The following PKNOX2 variants were observed in gnomAD, a reference collection of about 807,000 sequenced individuals.
PKNOX2 encodes the protein PBX/knotted 1 homeobox 2, also known as homeobox protein PKNOX2.
In PKNOX2, 14 loss-of-function variants were observed where a neutral mutation model predicts 53.1. The observed-to-expected ratio is 0.26, with a 90% CI of 0.17 to 0.41. The LOEUF (loss-of-function observed/expected upper bound fraction) is 0.41, where lower values mean the gene tolerates loss of function less well. Among genes scored for constraint, PKNOX2 ranks in the 10% least tolerant of loss-of-function variants. The pLI is 1.00. For synonymous variants in PKNOX2, 257 were observed against 242.8 expected (o/e 1.06, Z -0.54); for missense variants, 496 against 602.8 (o/e 0.82, Z 1.85).
At chr11:125,274,444 C>T (rs1946025383) in intron 2 of PKNOX2, among the ~76,000 whole-genome samples, 1 of 152,196 alleles carries the variant, frequency 6.6e-6, no homozygotes, top group Non-Finnish European at 1.5e-5. Context: ...GCGGTGCCAG[C>T]CCCTGTGCAG....
At chr11:125,203,271 T>G (rs986243934) in intron 1 of PKNOX2, among the ~76,000 whole-genome samples, 5 of 152,114 alleles carry the variant, frequency 3.3e-5, no homozygotes, top group African/African-American at 7.2e-5. Flanking sequence ...GTGCGCTAAT[T>G]TAAAATTTTT....
At chr11:125,301,179 G>C (rs1591518930) in intron 2 of PKNOX2, among the ~76,000 whole-genome samples, 1 of 152,176 alleles carries the variant, frequency 6.6e-6, no homozygotes, top group South Asian at 2.1e-4. Context: ...GCTCAGATCA[G>C]ATGCTGCCAA....
intron 2 of PKNOX2, among the ~76,000 whole-genome samples, chr11:125,289,921 C>A (rs1947199650): frequency 6.6e-6 from 1 of 152,192 alleles, no homozygotes. Flanking sequence ...AGCAGCAGCA[C>A]CAGCCCTTGA....
intron 1 of PKNOX2, among the ~76,000 whole-genome samples, chr11:125,222,800 T>TGTGTGC (rs1941346051): frequency 6.6e-6 from 1 of 151,856 alleles, no homozygotes; most frequent in Non-Finnish European, 1.5e-5. Flanking sequence ...TGTGTGTGTG[T>TGTGTGC]GTGCGTGTGT....
chr11:125,432,000 GTC>G lies in PKNOX2; in HGVS notation c.*612_*613del, dbSNP rs1419934043. The G allele has an allele frequency of 7.2e-5, 11 of 153,234 alleles. No homozygotes were observed. The highest frequency in any genetic ancestry group is 7.1e-4 in the Admixed American group (11 of 15,460). The allele number at this position is 153,234 out of a possible 1,614,324, so 9.5% of individuals were successfully genotyped here. ...CTCCAGCTCATCCCTCCAAGGCCCTGTCTCTGCGCACAGCAACCATGGACATG... is the reference window on the plus strand; with the variant it reads ...CTCCAGCTCATCCCTCCAAGGCCCTGTCTGCGCACAGCAACCATGGACATG... On this transcript the variant is annotated 3_prime_UTR_variant, in exon 13 of 13. Coordinates refer to ENST00000298282, the MANE Select transcript of PKNOX2 (RefSeq NM_001382323.2).
chr11:125,213,999 G>A (rs892286824), intron 1 of PKNOX2, among the ~76,000 whole-genome samples: 3 of 152,154 alleles, frequency 2.0e-5, no homozygotes, highest in Admixed American at 6.5e-5. Flanking sequence ...CTTTTGGCTC[G>A]GCTATCTCAC....
At chr11:125,363,517 A>T (rs1404403359) in intron 4 of PKNOX2, among the ~76,000 whole-genome samples, 1 of 152,166 alleles carries the variant, frequency 6.6e-6, no homozygotes, top group East Asian at 1.9e-4. Context: ...GGCAGTTCTG[A>T]GGACATCATT....
At chr11:125,231,817 G>T (rs967790740) in intron 1 of PKNOX2, among the ~76,000 whole-genome samples, 3 of 152,088 alleles carry the variant, frequency 2.0e-5, no homozygotes, top group African/African-American at 7.2e-5. Flanking sequence ...TTTATTTTGG[G>T]GGAGATGAAT....
intron 6 of PKNOX2, 111 bp from the exon 7 acceptor site, chr11:125,397,763 G>A (rs569304367): frequency 1.8e-6 from 2 of 1,122,480 alleles, no homozygotes; most frequent in African/African-American, 3.1e-5. Flanking sequence ...GGAAGCATGA[G>A]CTACGGCAGG....
intron 3 of PKNOX2, among the ~76,000 whole-genome samples, chr11:125,341,225 G>A (rs1285983872): frequency 1.3e-5 from 2 of 150,300 alleles, no homozygotes; most frequent in Non-Finnish European, 3.0e-5. Context: ...GTGTGGTGGT[G>A]CACGCCTGTA....
chr11:125,248,523 T>C (rs1322367067), intron 2 of PKNOX2, among the ~76,000 whole-genome samples: 2 of 151,950 alleles, frequency 1.3e-5, no homozygotes, highest in Admixed American at 6.6e-5. Flanking sequence ...TTTTGAAATG[T>C]GTTTTATAAG....
At chr11:125,389,916 C>T (rs968544860) in intron 6 of PKNOX2, among the ~76,000 whole-genome samples, 3 of 152,136 alleles carry the variant, frequency 2.0e-5, no homozygotes, top group African/African-American at 4.8e-5. Context: ...ACCCCCAGGC[C>T]CCTGGGCCCA....
intron 6 of PKNOX2, among the ~76,000 whole-genome samples, chr11:125,392,073 T>C (rs1223064851): frequency 1.3e-5 from 2 of 152,252 alleles, no homozygotes; most frequent in Admixed American, 1.3e-4. Context: ...ATTTTTTCAC[T>C]GGCTGGACGT....
intron 1 of PKNOX2, among the ~76,000 whole-genome samples, chr11:125,234,396 T>C (rs1354712135): frequency 6.6e-6 from 1 of 152,244 alleles, no homozygotes; most frequent in African/African-American, 2.4e-5. Context: ...TTTTTATTTT[T>C]ACAAAATTGT....
At chr11:125,236,596 A>G (rs1425942118) in intron 2 of PKNOX2, among the ~76,000 whole-genome samples, 1 of 152,168 alleles carries the variant, frequency 6.6e-6, no homozygotes, top group Non-Finnish European at 1.5e-5. Flanking sequence ...TCTGGCCACC[A>G]CACCCAGGAA....
intron 10 of PKNOX2, among the ~76,000 whole-genome samples, chr11:125,412,356 T>G (rs1383209341): frequency 1.3e-5 from 2 of 152,244 alleles, no homozygotes; most frequent in Non-Finnish European, 2.9e-5. Flanking sequence ...GCTGGAATCC[T>G]GGCTCCTCAT....
At position 125,295,076 on chromosome 11, in the gene PKNOX2, C is replaced by T. The variant is rs530638202; in HGVS notation, c.-129-36743C>T. Among the ~76,000 whole-genome samples, 39 of 152,184 alleles carry T rather than the reference C, an allele frequency of 2.6e-4. No individual in the cohort carries two copies. The South Asian group carries it at 6.2e-3, about 24-fold the overall frequency. On this transcript the variant is annotated intron_variant, in intron 2 of 12. Coordinates refer to ENST00000298282, the MANE Select transcript of PKNOX2 (RefSeq NM_001382323.2). The stretch of plus-strand genomic sequence containing the variant: ...GCTGGCCAGACAGTGAAGCTAGAGG[C>T]GGGTCCACAGTGTGGTGCTGCAGAC...
intron 1 of PKNOX2, among the ~76,000 whole-genome samples, chr11:125,234,734 C>T (rs1942521206): frequency 7.3e-6 from 1 of 137,516 alleles, no homozygotes; most frequent in African/African-American, 3.0e-5. Flanking sequence ...ACTTGACAAC[C>T]ATGAGGCTTT....
chr11:125,389,871 G>T (rs1019475699), intron 6 of PKNOX2, among the ~76,000 whole-genome samples: 1 of 151,962 alleles, frequency 6.6e-6, no homozygotes. Context: ...GACAGATTAC[G>T]GCTGCCTGAC....
Sources: allele counts gnomAD v4.1 joint callset (sites outside exome capture counted in the v4.1 genomes callset), GRCh38; gene constraint gnomAD v4.1.1; transcripts MANE v1.5; gene names NCBI Gene and HGNC (gene_info 2026-07-23, HGNC 2026-07-21).